CRYBG3: variants seen among roughly 807,000 people sequenced by gnomAD.
CRYBG3 encodes crystallin beta-gamma domain containing 3, also known as very large A-kinase anchor protein.
CRYBG3 carries 127 observed loss-of-function variants against 244.2 expected under a neutral mutation model. That is an observed-to-expected ratio of 0.52 (90% CI 0.45 to 0.60). The LOEUF (loss-of-function observed/expected upper bound fraction) is 0.60. Ranked by LOEUF, CRYBG3 falls within the 20% of genes least tolerant of loss-of-function variation. The pLI, the probability that CRYBG3 is intolerant of heterozygous loss-of-function variation, is 0.00. For missense variants in CRYBG3, 3,325 were observed against 3,442.5 expected (o/e 0.97, Z 0.85); for synonymous variants, 1,132 against 1,195.8 (o/e 0.95, Z 1.10).
At chr3:97,836,784 T>C (rs1165955244) in intron 1 of CRYBG3, among the ~76,000 whole-genome samples, 2 of 152,120 alleles carry the variant, frequency 1.3e-5, no homozygotes, top group African/African-American at 2.4e-5. Flanking sequence ...TCAGTAATTT[T>C]GAAATAAGGG....
chr3:97,885,981 G>C (rs1576544215), intron 7 of CRYBG3, among the ~76,000 whole-genome samples: 1 of 152,174 alleles, frequency 6.6e-6, no homozygotes, highest in East Asian at 1.9e-4. Context: ...ATGCATGAGG[G>C]AAATTTTTAA....
chr3:97,880,667 G>A (rs75543809), intron 6 of CRYBG3, among the ~76,000 whole-genome samples: 1,786 of 152,234 alleles, frequency 0.012, 25 homozygotes, highest in African/African-American at 0.04. Flanking sequence ...GTGTAATCTC[G>A]TCTTCATATA....
chr3:97,918,485 C>A (rs992480693), intron 17 of CRYBG3, among the ~76,000 whole-genome samples: 1 of 152,116 alleles, frequency 6.6e-6, no homozygotes, highest in African/African-American at 2.4e-5. Flanking sequence ...ACTGTTAGAA[C>A]AGGTATTTTC....
intron 17 of CRYBG3, among the ~76,000 whole-genome samples, chr3:97,930,254 T>C (rs564940539): frequency 7.9e-5 from 12 of 152,186 alleles, no homozygotes; most frequent in South Asian, 6.2e-4. Context: ...CTCCTTGCCA[T>C]CTGTTCTTCC....
At position 97,872,501 on chromosome 3, in the gene CRYBG3, A is replaced by C. The variant is rs1252182383; in HGVS notation, c.1307A>C (p.Asp436Ala). ...LVEPQGPAIS[D>A]FSCSKSDGSD... ...GAGCCTCAGGGCCCTGCTATTTCTG[A>C]TTTCTCTTGTAGTAAATCTGATGGG... The change falls in exon 4 of 22, where the codon GAT becomes GCT. Residue 436 changes from aspartate (D) to alanine (A), a missense_variant. By Grantham distance (126) the Asp-to-Ala change is moderately radical (BLOSUM62 -2). Transcript: ENST00000389622. 2.0e-6 allele frequency: 3 copies of C among 1,535,898 alleles called. No homozygotes were observed. The highest frequency in any genetic ancestry group is 2.6e-6 in the Non-Finnish European group (3 of 1,146,838).
chr3:97,917,139 G>A (rs959842889), intron 17 of CRYBG3, among the ~76,000 whole-genome samples: 1 of 152,130 alleles, frequency 6.6e-6, no homozygotes, highest in Non-Finnish European at 1.5e-5. Context: ...TCTAGGGAGG[G>A]CATTTTAGAA....
At chr3:97,849,969 T>C (rs1353710011) in intron 2 of CRYBG3, among the ~76,000 whole-genome samples, 1 of 152,186 alleles carries the variant, frequency 6.6e-6, no homozygotes, top group Non-Finnish European at 1.5e-5. Context: ...TCTTGGCTAG[T>C]GACTAGCTCA....
chr3:97,864,522 C>T lies in CRYBG3; in HGVS notation c.522C>T (p.Phe174=), dbSNP rs1366431960. Reference sequence around the variant, plus strand: ...GGATCAAAAGGGAGAGAGAGATTTTCAGTGGCTCCCTAAGAACCCAGACAC... The same window carrying T: ...GGATCAAAAGGGAGAGAGAGATTTTTAGTGGCTCCCTAAGAACCCAGACAC... The part of the protein sequence containing the change: ...EDGIKREREI[F]SGSLRTQTHP... Residue 174 remains phenylalanine (F), a synonymous_variant, in exon 3 of 22, where the codon TTC becomes TTT. Transcript: ENST00000389622. 3.9e-6 allele frequency: 6 copies of T among 1,535,804 alleles called. No individual in the cohort carries two copies. Among genetic ancestry groups the T allele is most frequent in the Non-Finnish European group, 5.2e-6 (6 of 1,146,792 alleles).
Position 97,857,332 on chromosome 3 carries a change from A to T in CRYBG3, c.217-6885A>T, listed in dbSNP as rs192434531. Reference sequence around the variant, plus strand: ...AGAATATTCCATTTGCTGATGAGAAAAATGTGTATTCTGTAGCTATTAGAT... The same window carrying T: ...AGAATATTCCATTTGCTGATGAGAATAATGTGTATTCTGTAGCTATTAGAT... On this transcript the variant is annotated intron_variant, in intron 2 of 21. Transcript: ENST00000389622. Among the ~76,000 whole-genome samples the T allele has an allele frequency of 2.8e-4, 43 of 152,226 alleles. No homozygotes were observed. The East Asian group carries it at 6.2e-3, about 22-fold the overall frequency.
intron 1 of CRYBG3, among the ~76,000 whole-genome samples, chr3:97,828,685 C>T (rs554035328): frequency 2.8e-4 from 42 of 151,354 alleles, no homozygotes; most frequent in Admixed American, 2.4e-3. Context: ...AAAAATTAGC[C>T]GGTGTGGTGG....
chr3:97,845,094 G>A (rs1019931420), intron 2 of CRYBG3, among the ~76,000 whole-genome samples: 2 of 152,126 alleles, frequency 1.3e-5, no homozygotes, highest in African/African-American at 4.8e-5. Context: ...AGGGACTGTT[G>A]CTACCAGGCA....
Position 97,874,402 on chromosome 3 carries a change from G to T in CRYBG3, c.3208G>T (p.Val1070Phe). The change falls in exon 4 of 22, where the codon GTT becomes TTT. Residue 1070 changes from valine (V) to phenylalanine (F), a missense_variant. Transcript: ENST00000389622. ...VSSSSSYPEEVSMIVNSHKPQ... is the reference protein window; with the variant it reads ...VSSSSSYPEEFSMIVNSHKPQ... ...ATCTTCCTCTAGTTACCCTGAAGAAGTTAGCATGATAGTAAATTCACATAA... is the reference window on the plus strand; with the variant it reads ...ATCTTCCTCTAGTTACCCTGAAGAATTTAGCATGATAGTAAATTCACATAA... 1 of 1,534,330 alleles carries T rather than the reference G, an allele frequency of 6.5e-7. No individual in the cohort carries two copies. The highest frequency in any genetic ancestry group is 8.7e-7 in the Non-Finnish European group (1 of 1,146,400).
Position 97,944,936 on chromosome 3 carries a change from C to T in CRYBG3, c.*1622C>T, listed in dbSNP as rs2040318871. The T allele has an allele frequency of 1.0e-5, 3 of 297,236 alleles. No individual in the cohort carries two copies. Among genetic ancestry groups the T allele is most frequent in the South Asian group, 1.1e-4 (1 of 9,320 alleles). The allele number at this position is 297,236 out of a possible 1,614,324, so 18.4% of individuals were successfully genotyped here. ...CATTGGAATTGTGCCTTTTCTACCA[C>T]ACTGGATTAAATAAACTTGTCAAAA... is the stretch of plus-strand genomic sequence containing the variant. On this transcript the variant is annotated 3_prime_UTR_variant, in exon 22 of 22. Coordinates refer to ENST00000389622, the MANE Select transcript of CRYBG3 (RefSeq NM_153605.4).
rs75851687 is a variant in CRYBG3 at position 97,919,830 on chromosome 3, T to A, written c.8241+4094T>A. ...GAAGAAAGTTTAAAGGTACTCCATT[T>A]TGCTTTGATCAAAGAAAAATATTTA... On this transcript the variant is annotated intron_variant, in intron 17 of 21. Coordinates refer to ENST00000389622, the MANE Select transcript of CRYBG3 (RefSeq NM_153605.4). 6.4e-3 allele frequency among the ~76,000 whole-genome samples: 981 copies of A among 152,240 alleles called. 8 individuals carry two copies. Among genetic ancestry groups the A allele is most frequent in the African/African-American group, 0.022 (897 of 41,554 alleles).
chr3:97,845,779 G>C (rs1323579300), intron 2 of CRYBG3, among the ~76,000 whole-genome samples: 1 of 152,160 alleles, frequency 6.6e-6, no homozygotes. Flanking sequence ...ACTGGCTTCT[G>C]ATTTGCATCA....
chr3:97,832,810 A>G (rs1417574642), intron 1 of CRYBG3, among the ~76,000 whole-genome samples: 1 of 152,208 alleles, frequency 6.6e-6, no homozygotes, highest in Non-Finnish European at 1.5e-5. Flanking sequence ...AATTTTTGCA[A>G]TCTATCCATC....
intron 10 of CRYBG3, among the ~76,000 whole-genome samples, chr3:97,890,326 G>T (rs1449119320): frequency 6.6e-6 from 1 of 152,182 alleles, no homozygotes; most frequent in Admixed American, 6.5e-5. Flanking sequence ...TTGCAGTCAA[G>T]ATGTAAAAGA....
intron 2 of CRYBG3, among the ~76,000 whole-genome samples, chr3:97,853,608 C>CCA (rs2039020876): frequency 6.6e-6 from 1 of 152,082 alleles, no homozygotes; most frequent in Admixed American, 6.6e-5. Context: ...GGTAGATCTA[C>CCA]TTTTAGTTGT....
At chr3:97,892,341 C>G (rs1170052437) in intron 10 of CRYBG3, among the ~76,000 whole-genome samples, 1 of 152,086 alleles carries the variant, frequency 6.6e-6, no homozygotes, top group African/African-American at 2.4e-5. Flanking sequence ...AGGGTGCAAA[C>G]AAGATGAATT....
Sources: gnomAD v4.1 joint callset for allele counts (sites outside exome capture counted in the v4.1 genomes callset) on GRCh38, gnomAD v4.1.1 for gene constraint, MANE v1.5 for transcripts, NCBI Gene and HGNC (gene_info 2026-07-23, HGNC 2026-07-21) for gene names.